Variants in PPP2R5E observed in about 807,000 individuals in gnomAD.
PPP2R5E encodes protein phosphatase 2 regulatory subunit B'epsilon.
PPP2R5E carries 4 observed loss-of-function variants against 65.3 expected under a neutral mutation model. The ratio of observed to expected loss-of-function variants is 0.06; its 90% confidence interval spans 0.03 to 0.14. The LOEUF (loss-of-function observed/expected upper bound fraction) is 0.14. PPP2R5E is among the 10% of genes least tolerant of loss of function. The pLI is 1.00. For synonymous variants in PPP2R5E, 183 were observed against 187.4 expected (o/e 0.98, Z 0.19); for missense variants, 274 against 556.1 (o/e 0.49, Z 5.10).
Position 63,513,431 on chromosome 14 carries a change from C to T in PPP2R5E, c.157+26098G>A, listed in dbSNP as rs1285747730. ...ATCTTTCAAAAATATGAACCACTCA[C>T]TAAGTGTGCTTCTCATGTTACATAA... On this transcript the variant is annotated intron_variant, in intron 2 of 13. Coordinates refer to ENST00000337537, the MANE Select transcript of PPP2R5E (RefSeq NM_006246.5). Among the ~76,000 whole-genome samples the T allele has an allele frequency of 2.0e-5, 3 of 152,218 alleles. No individual in the cohort carries two copies. The East Asian group carries it at 5.8e-4, about 29-fold the overall frequency.
Position 63,373,643 on chromosome 14 carries a change from A to G in PPP2R5E, c.*2366T>C, listed in dbSNP as rs1883815032. 1 of 152,200 alleles carries G rather than the reference A, an allele frequency of 6.6e-6. No homozygotes were observed. The highest frequency in any genetic ancestry group is 1.5e-5 in the Non-Finnish European group (1 of 68,046). 9.4% of individuals were successfully genotyped at this position (152,200 alleles called of 1,614,324 possible). A position where few individuals can be genotyped will look rare whatever the true frequency, so the allele number is the denominator to read the frequency against. ...ATGATCAACATACAAAATTGACATC[A>G]AGGAGGAGAGCTGTAAGTGTTCACC... On this transcript the variant is annotated 3_prime_UTR_variant, in exon 14 of 14. Transcript: ENST00000337537.
At chr14:63,524,732 C>G (rs1396756404) in intron 2 of PPP2R5E, among the ~76,000 whole-genome samples, 1 of 152,192 alleles carries the variant, frequency 6.6e-6, no homozygotes, top group Non-Finnish European at 1.5e-5. Context: ...CCCAGCTCCC[C>G]GGCCTGGCCA....
At chr14:63,391,549 G>A (rs951690507) in intron 10 of PPP2R5E, among the ~76,000 whole-genome samples, 20 of 152,118 alleles carry the variant, frequency 1.3e-4, no homozygotes, top group African/African-American at 4.6e-4. Flanking sequence ...TCAGCCTCCC[G>A]GGTAGCTGGG....
chr14:63,438,084 G>T (rs1046992109), intron 3 of PPP2R5E, among the ~76,000 whole-genome samples: 1 of 152,224 alleles, frequency 6.6e-6, no homozygotes, highest in African/African-American at 2.4e-5. Context: ...TACAGATCAA[G>T]TTTGGCTTTA....
intron 3 of PPP2R5E, among the ~76,000 whole-genome samples, chr14:63,422,350 A>G (rs1887073742): frequency 6.6e-6 from 1 of 152,172 alleles, no homozygotes; most frequent in South Asian, 2.1e-4. Flanking sequence ...CTAGGTCCCC[A>G]TGATTTCATA....
At position 63,528,411 on chromosome 14, in the gene PPP2R5E, C is replaced by T. The variant is rs527315954; in HGVS notation, c.157+11118G>A. ...AACAGAGGGATTTCACTGGACTTAA[C>T]GTCTTAACTTTTGTGAAATGAAAGT... On this transcript the variant is annotated intron_variant, in intron 2 of 13. Transcript: ENST00000337537. Among the ~76,000 whole-genome samples, 16 of 152,218 alleles carry T rather than the reference C, an allele frequency of 1.1e-4. No individual in the cohort carries two copies. The South Asian group carries it at 1.9e-3, about 18-fold the overall frequency.
At chr14:63,458,359 T>A (rs1472727953) in intron 2 of PPP2R5E, among the ~76,000 whole-genome samples, 2 of 152,214 alleles carry the variant, frequency 1.3e-5, no homozygotes, top group Non-Finnish European at 2.9e-5. Context: ...CACATAATCA[T>A]GGATCCAATA....
chr14:63,431,640 A>G (rs1334146632), intron 3 of PPP2R5E, among the ~76,000 whole-genome samples: 1 of 152,002 alleles, frequency 6.6e-6, no homozygotes, highest in Non-Finnish European at 1.5e-5. Flanking sequence ...GCATTTGCGG[A>G]CAAAGCTCTA....
At position 63,395,457 on chromosome 14, in the gene PPP2R5E, GGAGGAGGGGGGAAGAGAGGAGGAGGA is replaced by G. The variant is rs199655111; in HGVS notation, c.681-198_681-173del. Among the ~76,000 whole-genome samples, 37 of 16,986 alleles carry G rather than the reference GGAGGAGGGGGGAAGAGAGGAGGAGGA, an allele frequency of 2.2e-3. 2 individuals carry two copies. Among genetic ancestry groups the G allele is most frequent in the East Asian group, 0.012 (5 of 418 alleles). 11.1% of individuals were successfully genotyped at this position (16,986 alleles called of 152,430 possible). ...GACAAGGGGGAAGAGAGAAGGAGGA[GGAGGAGGGGGGAAGAGAGGAGGAGGA>G]GAGGAGGGGGGAAGAGAGGAGGAGG... On this transcript the variant is annotated intron_variant, in intron 6 of 13. Transcript: ENST00000337537.
chr14:63,509,574 G>T (rs1355795284), intron 2 of PPP2R5E, among the ~76,000 whole-genome samples: 1 of 152,084 alleles, frequency 6.6e-6, no homozygotes, highest in Non-Finnish European at 1.5e-5. Context: ...GCTGTGCCAG[G>T]CCTAATTTTA....
chr14:63,508,965 A>T (rs1892340709), intron 2 of PPP2R5E, among the ~76,000 whole-genome samples: 1 of 152,238 alleles, frequency 6.6e-6, no homozygotes, highest in African/African-American at 2.4e-5. Flanking sequence ...ATATGATTCT[A>T]ATCAAGTACA....
chr14:63,509,267 CTTTTTTTTT>C (rs10553696), intron 2 of PPP2R5E, among the ~76,000 whole-genome samples: 1 of 108,066 alleles, frequency 9.3e-6, no homozygotes, highest in Non-Finnish European at 1.8e-5. Flanking sequence ...TTAAAATATC[CTTTTTTTTT>C]TTTTTTTTTT....
chr14:63,496,443 CAAA>C (rs753525299), intron 2 of PPP2R5E, among the ~76,000 whole-genome samples: 5 of 118,614 alleles, frequency 4.2e-5, no homozygotes, highest in Non-Finnish European at 5.5e-5. Flanking sequence ...GACTCTGTCT[CAAA>C]AAAAAAAAAA....
At chr14:63,482,927 G>A (rs1055849462) in intron 2 of PPP2R5E, among the ~76,000 whole-genome samples, 40 of 152,020 alleles carry the variant, frequency 2.6e-4, no homozygotes, top group African/African-American at 7.7e-4. Context: ...CGACAATACC[G>A]CAGTGAACAA....
chr14:63,469,218 A>T (rs1438514776), intron 2 of PPP2R5E, among the ~76,000 whole-genome samples: 2 of 152,200 alleles, frequency 1.3e-5, no homozygotes, highest in Admixed American at 1.3e-4. Context: ...ATGGAGAGAA[A>T]CCCTAATTAA....
At chr14:63,455,998 C>T (rs1365236577) in intron 2 of PPP2R5E, among the ~76,000 whole-genome samples, 1 of 152,162 alleles carries the variant, frequency 6.6e-6, no homozygotes, top group East Asian at 1.9e-4. Context: ...AACTCCTGAC[C>T]TCAGGTGATC....
At chr14:63,392,133 C>T in intron 8 of PPP2R5E, 108 bp from the exon 9 acceptor site, 1 of 692,448 alleles carries the variant, frequency 1.4e-6, no homozygotes, top group Non-Finnish European at 2.3e-6. Flanking sequence ...CTTTTAATAA[C>T]TTCACATTCA....
rs1884891598 is a variant in PPP2R5E at position 63,389,596 on chromosome 14, C to A, written c.1074+16G>T. On this transcript the variant is annotated intron_variant, in intron 11 of 13. Transcript: ENST00000337537. ...ATAACTCATGCTCCCTGGCTCATGT[C>A]CTCTTTACTACTAACCTGAAAATGG... 7 of 1,592,076 alleles carry A rather than the reference C, an allele frequency of 4.4e-6. No individual in the cohort carries two copies. Among genetic ancestry groups the A allele is most frequent in the Non-Finnish European group, 6.0e-6 (7 of 1,173,062 alleles).
chr14:63,382,872 C>T (rs962769199), intron 12 of PPP2R5E, among the ~76,000 whole-genome samples: 3 of 152,128 alleles, frequency 2.0e-5, no homozygotes, highest in Non-Finnish European at 4.4e-5. Flanking sequence ...CTAAATAACA[C>T]ATAATTCATC....
Sources: gnomAD v4.1 joint callset for allele counts (sites outside exome capture counted in the v4.1 genomes callset) on GRCh38, gnomAD v4.1.1 for gene constraint, MANE v1.5 for transcripts, NCBI Gene and HGNC (gene_info 2026-07-23, HGNC 2026-07-21) for gene names.